Variants in NEDD4 observed in about 807,000 individuals in gnomAD.
The protein encoded by NEDD4 is E3 ubiquitin-protein ligase NEDD4.
In NEDD4, 99 loss-of-function variants were observed where a neutral mutation model predicts 144.9. That is an observed-to-expected ratio of 0.68 (90% confidence interval 0.58 to 0.81). The LOEUF is 0.81. Among genes scored for constraint, NEDD4 ranks in the 30% least tolerant of loss-of-function variants. NEDD4 has a pLI of 0.00. For missense variants in NEDD4, 985 were observed against 1,065.9 expected (o/e 0.92, Z 1.06); for synonymous variants, 318 against 350.6 (o/e 0.91, Z 1.04).
intron 18 of NEDD4, 95 bp downstream of exon 18, chr15:55,846,873 CA>C: frequency 1.3e-6 from 1 of 754,488 alleles, no homozygotes; most frequent in Non-Finnish European, 2.1e-6. Context: ...AAAGTTGTTA[CA>C]AATATAGAAC....
chr15:55,981,168 G>A (rs2037797269), intron 1 of NEDD4, among the ~76,000 whole-genome samples: 1 of 151,584 alleles, frequency 6.6e-6, no homozygotes, highest in Non-Finnish European at 1.5e-5. Context: ...TCAGCCTCCT[G>A]AGTAGCTGAG....
chr15:55,851,799 T>A (rs1442462416), intron 13 of NEDD4, among the ~76,000 whole-genome samples: 1 of 151,992 alleles, frequency 6.6e-6, no homozygotes, highest in Admixed American at 6.6e-5. Flanking sequence ...CTTTAATAGA[T>A]CCCAATCGCC....
chr15:55,855,714 C>T (rs966057439), intron 12 of NEDD4, among the ~76,000 whole-genome samples: 5 of 152,186 alleles, frequency 3.3e-5, no homozygotes, highest in South Asian at 4.1e-4. Flanking sequence ...GCCTGGCTGC[C>T]GGGCATGTGA....
At chr15:55,899,173 TTTC>T (rs1446564504) in intron 5 of NEDD4, among the ~76,000 whole-genome samples, 2 of 152,170 alleles carry the variant, frequency 1.3e-5, no homozygotes, top group Admixed American at 6.5e-5. Context: ...CAAAGTAGTT[TTTC>T]TTCTTCTTTT....
At position 55,951,414 on chromosome 15, in the gene NEDD4, T is replaced by G; in HGVS notation, c.199A>C (p.Ser67Arg). The change falls in exon 4 of 29, where the codon AGT becomes CGT. Residue 67 changes from serine to arginine, a missense_variant and splice_region_variant. Transcript: ENST00000435532. ...TSVQTKTIKK[S>R]LNPKWNEEIL... ...TCTTCATTCCACTTTGGATTCAAAC[T>G]CTAAAAAATAATAAACATAGTATAA... The G allele has an allele frequency of 1.8e-6, 2 of 1,086,472 alleles. No homozygotes were observed. The highest frequency in any genetic ancestry group is 2.6e-6 in the Non-Finnish European group (2 of 759,880). The allele number at this position is 1,086,472 out of a possible 1,614,324, so 67.3% of individuals were successfully genotyped here.
chr15:55,904,802 G>C (rs1208791884), intron 5 of NEDD4, among the ~76,000 whole-genome samples: 2 of 152,044 alleles, frequency 1.3e-5, no homozygotes, highest in African/African-American at 2.4e-5. Flanking sequence ...TGTCAGACCA[G>C]AGGTATGAAA....
At chr15:55,869,487 T>C in intron 8 of NEDD4, 92 bp downstream of exon 8, 1 of 712,850 alleles carries the variant, frequency 1.4e-6, no homozygotes, top group South Asian at 1.9e-5. Flanking sequence ...ATTGCACATG[T>C]TAACTTCATT....
rs79920149 is a variant in NEDD4, at chr15:55,836,237, C to A, written c.2262+1552G>T. Among the ~76,000 whole-genome samples, 1,031 of 152,184 alleles carry A rather than the reference C, an allele frequency of 6.8e-3. 14 individuals carry two copies. Among genetic ancestry groups the A allele is most frequent in the Non-Finnish European group, 8.5e-3 (575 of 68,008 alleles). On this transcript the variant is annotated intron_variant, in intron 24 of 28. Transcript: ENST00000435532. ...TTGCCTCTGTTCATTTCACTCTTTA[C>A]ATCATACATACCTTAATAACAGGAC...
intron 5 of NEDD4, among the ~76,000 whole-genome samples, chr15:55,900,038 C>A (rs1246103546): frequency 6.6e-6 from 1 of 151,680 alleles, no homozygotes; most frequent in Admixed American, 6.6e-5. Context: ...TGATGCCCCA[C>A]ACCACACTGT....
chr15:55,833,985 A>G (rs1389369484), intron 26 of NEDD4, 53 bp downstream of exon 26: 11 of 1,289,120 alleles, frequency 8.5e-6, no homozygotes, highest in Non-Finnish European at 1.1e-5. Flanking sequence ...GTTGACTTAA[A>G]TATGATTCAA....
At chr15:55,948,733 G>T (rs1393810505) in intron 4 of NEDD4, among the ~76,000 whole-genome samples, 8 of 152,220 alleles carry the variant, frequency 5.3e-5, no homozygotes, top group African/African-American at 1.9e-4. Flanking sequence ...AATGGTGCTG[G>T]GAAAACTGGC....
chr15:55,987,905 G>A (rs2037919652), intron 1 of NEDD4: 1 of 112,154 alleles, frequency 8.9e-6, no homozygotes, highest in African/African-American at 3.5e-5. Context: ...GTCAGGTAGT[G>A]TGATGCCTCC....
At chr15:55,977,281 A>G (rs2037720832) in intron 1 of NEDD4, among the ~76,000 whole-genome samples, 1 of 152,282 alleles carries the variant, frequency 6.6e-6, no homozygotes, top group African/African-American at 2.4e-5. Context: ...CAATATTTAC[A>G]TTGTATTACT....
chr15:55,936,694 T>C (rs1363747487), intron 4 of NEDD4, among the ~76,000 whole-genome samples: 2 of 152,342 alleles, frequency 1.3e-5, no homozygotes, highest in African/African-American at 4.8e-5. Context: ...ACAATTCTTA[T>C]GCACAGAGTA....
At chr15:55,839,743 T>C (rs2033379540) in intron 21 of NEDD4, among the ~76,000 whole-genome samples, 1 of 151,682 alleles carries the variant, frequency 6.6e-6, no homozygotes, top group Non-Finnish European at 1.5e-5. Context: ...TTTGGGACGC[T>C]GAGGCAGGCG....
intron 22 of NEDD4, 87 bp downstream of exon 22, chr15:55,838,422 C>G (rs886777621): frequency 1.1e-6 from 1 of 934,608 alleles, no homozygotes; most frequent in Admixed American, 2.1e-5. Context: ...AAAAACAGAG[C>G]CTAGGAATGT....
chr15:55,827,411 G>T lies in NEDD4; in HGVS notation c.*2486C>A, dbSNP rs2032745571. 1 of 152,208 alleles carries T rather than the reference G, an allele frequency of 6.6e-6. No individual in the cohort carries two copies. Among genetic ancestry groups the T allele is most frequent in the Admixed American group, 6.5e-5 (1 of 15,280 alleles). The allele number at this position is 152,208 out of a possible 1,614,324, so 9.4% of individuals were successfully genotyped here. A position where few individuals can be genotyped will look rare whatever the true frequency, so the allele number is the denominator to read the frequency against. ...CTAGTGGGAGATGAAGGGGATGAAG[G>T]TCTGCAGCTGGGGACTGGTGGCAGT... On this transcript the variant is annotated 3_prime_UTR_variant, in exon 29 of 29. Transcript: ENST00000435532.
intron 5 of NEDD4, among the ~76,000 whole-genome samples, chr15:55,904,327 G>A (rs2036015108): frequency 6.6e-6 from 1 of 151,818 alleles, no homozygotes; most frequent in Non-Finnish European, 1.5e-5. Context: ...TTTTGAGACA[G>A]AGTCTCACTC....
chr15:55,979,031 C>G (rs1198672735), intron 1 of NEDD4, among the ~76,000 whole-genome samples: 2 of 151,378 alleles, frequency 1.3e-5, no homozygotes, highest in African/African-American at 4.8e-5. Flanking sequence ...TCTCCCATTC[C>G]TCTGTTGTCC....
Sources: allele counts gnomAD v4.1 joint callset (sites outside exome capture counted in the v4.1 genomes callset), GRCh38; gene constraint gnomAD v4.1.1; transcripts MANE v1.5; gene names NCBI Gene and HGNC (gene_info 2026-07-23, HGNC 2026-07-21).